Variants in PABIR3 observed in about 807,000 individuals in gnomAD.
The protein encoded by PABIR3 is PABIR family member 1.
In PABIR3, 20 loss-of-function variants were observed where a neutral mutation model predicts 23.1. The ratio of observed to expected loss-of-function variants is 0.86; its 90% CI spans 0.61 to 1.26. The LOEUF is 1.26. Among genes scored for constraint, PABIR3 ranks in the 50% most tolerant of loss-of-function variants. The pLI, the probability that PABIR3 is intolerant of heterozygous loss-of-function variation, is 0.00. For synonymous variants in PABIR3, 69 were observed against 68.5 expected (o/e 1.01, Z -0.04); for missense variants, 189 against 195.4 (o/e 0.97, Z 0.20).
chrX:134,819,677 G>C (rs926287924), intron 3 of PABIR3, among the ~76,000 whole-genome samples: 1 of 110,924 alleles, frequency 9.0e-6, no homozygotes, highest in African/African-American at 3.3e-5. Context: ...CTGAGGTCGG[G>C]AGTTCAAGAC....
At position 134,807,535 on chromosome X, in the gene PABIR3, A is replaced by G; in HGVS notation, c.-59-5A>G. On this transcript the variant is annotated splice_region_variant and splice_polypyrimidine_tract_variant and intron_variant, in intron 1 of 10. Transcript: ENST00000645433. ...CTCTCCTTACATCACCTGCCCACTAAGTAGACTTGTCCTTGTGTGGACGGG... is the reference window on the plus strand; with the variant it reads ...CTCTCCTTACATCACCTGCCCACTAGGTAGACTTGTCCTTGTGTGGACGGG... The G allele has an allele frequency of 2.5e-6, 3 of 1,201,655 alleles. No individual in the cohort carries two copies. Among genetic ancestry groups the G allele is most frequent in the South Asian group, 1.8e-5 (1 of 55,494 alleles).
At chrX:134,838,941 C>A in intron 4 of PABIR3, 1 of 116,303 alleles carries the variant, frequency 8.6e-6, no homozygotes, top group Non-Finnish European at 1.8e-5. Context: ...AGTGATCTGC[C>A]AGCCTCGGCC....
intron 6 of PABIR3, among the ~76,000 whole-genome samples, chrX:134,846,742 G>A (rs192334490): frequency 1.5e-3 from 172 of 111,780 alleles, no homozygotes; most frequent in African/African-American, 5.1e-3. Context: ...TTGTGTTTTG[G>A]TGCTAATACA....
chrX:134,860,118 A>G, the PABIR3 span, among the ~76,000 whole-genome samples: 1 of 109,487 alleles, frequency 9.1e-6, no homozygotes, highest in African/African-American at 3.3e-5. Flanking sequence ...TTTTTAACAG[A>G]GTCTAGCTGT....
At position 134,821,262 on chromosome X, in the gene PABIR3, A is replaced by C. The variant is rs1004158211; in HGVS notation, c.189+6413A>C. On this transcript the variant is annotated intron_variant, in intron 3 of 10. Coordinates refer to ENST00000645433, the MANE Select transcript of PABIR3 (RefSeq NM_001388447.1). ...AGCATTGTAAAAAAAAAAAAAAAAA[A>C]AAAAACTGTTCCCTCACAATTATTT... 1.6e-5 allele frequency: 16 copies of C among 981,100 alleles called. No homozygotes were observed. The African/African-American group carries it at 2.0e-4, about 12-fold the overall frequency. 80.9% of individuals were successfully genotyped at this position (981,100 alleles called of 1,213,427 possible). A position where few individuals can be genotyped will look rare whatever the true frequency, so the allele number is the denominator to read the frequency against.
At chrX:134,796,549 G>A (rs1405429768), upstream of PABIR3, 2 of 146,542 alleles carry the variant, frequency 1.4e-5, no homozygotes, top group Admixed American at 1.6e-4. Context: ...GAAAAGGATA[G>A]GTGGAAAAGC....
intron 4 of PABIR3, among the ~76,000 whole-genome samples, chrX:134,838,511 G>A (rs2082046260): frequency 9.2e-6 from 1 of 108,830 alleles, no homozygotes; most frequent in Non-Finnish European, 1.9e-5. Flanking sequence ...CACCGTGTTA[G>A]CCAGGATGGT....
chrX:134,818,546 T>C lies in PABIR3; in HGVS notation c.189+3697T>C, dbSNP rs2081099409. ...GTCCTTTGAATTACCAAAACAGATA[T>C]TACTCATGAATTCTTATATTTGAAA... On this transcript the variant is annotated intron_variant, in intron 3 of 10. Coordinates refer to ENST00000645433, the MANE Select transcript of PABIR3 (RefSeq NM_001388447.1). 4.5e-5 allele frequency among the ~76,000 whole-genome samples: 5 copies of C among 111,868 alleles called. No homozygotes were observed. The Admixed American group carries it at 4.8e-4, about 11-fold the overall frequency.
intron 2 of PABIR3, chrX:134,810,892 A>G (rs1216929781): frequency 1.3e-6 from 1 of 752,118 alleles, no homozygotes; most frequent in African/African-American, 2.3e-5. Flanking sequence ...CATAGGAATG[A>G]TGTGTGACAT....
the PABIR3 span, among the ~76,000 whole-genome samples, chrX:134,861,320 T>A: frequency 2.8e-5 from 3 of 108,846 alleles, no homozygotes; most frequent in Middle Eastern, 9.5e-3. Context: ...ACATTGTGAA[T>A]GTAATTAAGG....
intron 7 of PABIR3, 97 bp downstream of exon 7, chrX:134,847,572 A>G (rs1237765867): frequency 1.6e-6 from 1 of 611,754 alleles, no homozygotes; most frequent in Non-Finnish European, 2.6e-6. Flanking sequence ...TGGGGGATAT[A>G]TTTTGTCACA....
At chrX:134,804,347 ATTAC>A, upstream of PABIR3, 1 of 661,139 alleles carries the variant, frequency 1.5e-6, no homozygotes, top group Non-Finnish European at 2.3e-6. Context: ...CTGTTTTTGT[ATTAC>A]TTGTTCCTTT....
At chrX:134,809,707 T>C in intron 2 of PABIR3, 2 of 705,683 alleles carry the variant, frequency 2.8e-6, no homozygotes, top group South Asian at 1.5e-4. Flanking sequence ...ATGAGGAAAC[T>C]GAGGCCCATA....
intron 2 of PABIR3, among the ~76,000 whole-genome samples, chrX:134,813,989 T>C (rs754621848): frequency 9.2e-6 from 1 of 108,916 alleles, no homozygotes; most frequent in Admixed American, 9.9e-5. Context: ...TTTTTTTTAA[T>C]GTGAAATCTT....
intron 3 of PABIR3, chrX:134,822,801 G>C (rs751681874): frequency 1.2e-5 from 3 of 240,056 alleles, no homozygotes; most frequent in South Asian, 4.2e-4. Flanking sequence ...AAGCAGAAAA[G>C]ATAACTATTA....
intron 3 of PABIR3, among the ~76,000 whole-genome samples, chrX:134,817,838 T>A (rs771943016): frequency 3.6e-5 from 4 of 110,731 alleles, no homozygotes; most frequent in Non-Finnish European, 5.7e-5. Context: ...ATTGACATGA[T>A]CAGATTTGTT....
upstream of PABIR3, chrX:134,804,386 T>C: frequency 2.3e-6 from 1 of 429,017 alleles, no homozygotes; most frequent in Non-Finnish European, 3.9e-6. Flanking sequence ...GTGTATGTAC[T>C]ATGAGTCCTA....
rs751690555 is a variant in PABIR3, at chrX:134,829,274, A to C, written c.238A>C (p.Ile80Leu). 2 of 1,206,298 alleles carry C rather than the reference A, an allele frequency of 1.7e-6. No homozygotes were observed. The highest frequency in any genetic ancestry group is 2.2e-6 in the Non-Finnish European group (2 of 891,305). Residue 80 changes from isoleucine to leucine, a missense_variant, in exon 4 of 11, where the codon ATC (isoleucine) becomes CTC (leucine). By Grantham distance (5) the Ile-to-Leu change is conservative. Coordinates refer to ENST00000645433, the MANE Select transcript of PABIR3 (RefSeq NM_001388447.1). ...TGGTTCCATCAGCCGCCTTCATCAA[A>C]TCAAACAGGTAAGAAGACTTTCCAA... ...FHGSISRLHQ[I>L]KQEEAMDLIN...
intron 7 of PABIR3, 72 bp downstream of exon 7, chrX:134,847,547 C>A: frequency 1.3e-6 from 1 of 755,738 alleles, no homozygotes; most frequent in Admixed American, 2.7e-5. Context: ...TTAATGGTCA[C>A]CAAAACAAAT....
Sources: gnomAD v4.1 joint callset for allele counts (sites outside exome capture counted in the v4.1 genomes callset) on GRCh38, gnomAD v4.1.1 for gene constraint, MANE v1.5 for transcripts, NCBI Gene and HGNC (gene_info 2026-07-23, HGNC 2026-07-21) for gene names.